The following C3 variants were observed in gnomAD, a reference collection of about 807,000 sequenced individuals.
The protein encoded by C3 is C3 and PZP-like alpha-2-macroglobulin domain-containing protein 1.
In C3, 97 loss-of-function variants were observed where a neutral mutation model predicts 207.9. The ratio of observed to expected loss-of-function variants is 0.47; its 90% confidence interval spans 0.40 to 0.55. The LOEUF is 0.55. Among genes scored for constraint, C3 ranks in the 20% least tolerant of loss-of-function variants. The pLI is 0.00. For synonymous variants in C3, 848 were observed against 857.6 expected (o/e 0.99, Z 0.20); for missense variants, 1,684 against 2,171.7 (o/e 0.78, Z 4.46).
chr19:6,714,428 C>G lies in C3; in HGVS notation c.523G>C (p.Val175Leu), dbSNP rs146130553. The change falls in exon 5 of 41, where the codon GTC becomes CTC. Residue 175 changes from valine (V) to leucine (L), a missense_variant. By Grantham distance (32) the Val-to-Leu change is conservative (BLOSUM62 1). This residue lies in a region of C3 where 1,280 missense variants were observed against 1,739.1 expected (regional missense o/e 0.74). Coordinates refer to ENST00000245907, the MANE Select transcript of C3 (RefSeq NM_000064.4). ...VNIENPEGIP[V>L]KQDSLSSQNQ... is the part of the protein sequence containing the mutation. ...TGAGAAGACAAGGAGTCCTGCTTGA[C>G]CGGGATGCCTTCCGGGTTCTGTGGG... The G allele has an allele frequency of 6.2e-7, 1 of 1,613,656 alleles. No individual in the cohort carries two copies. The highest frequency in any genetic ancestry group is 1.7e-5 in the Admixed American group (1 of 60,018).
intron 11 of C3, among the ~76,000 whole-genome samples, chr19:6,711,670 G>C (rs1376809386): frequency 6.6e-6 from 1 of 152,198 alleles, no homozygotes; most frequent in Non-Finnish European, 1.5e-5. Flanking sequence ...AGCACAGGGA[G>C]GGGTAAGTGG....
At chr19:6,693,732 AG>A (rs1918227766) in intron 24 of C3, among the ~76,000 whole-genome samples, 1 of 58,422 alleles carries the variant, frequency 1.7e-5, no homozygotes, top group Admixed American at 2.5e-4. Flanking sequence ...GGGGGCTTTC[AG>A]GGAGGGGAGG....
At chr19:6,717,218 G>C (rs1249989115) in intron 4 of C3, 1 of 154,084 alleles carries the variant, frequency 6.5e-6, no homozygotes, top group African/African-American at 2.4e-5. Context: ...TGACTCAGGT[G>C]CTCACAGGCG....
chr19:6,697,052 ACAAAC>A (rs1967552527), intron 21 of C3, among the ~76,000 whole-genome samples: 3 of 88,408 alleles, frequency 3.4e-5, no homozygotes, highest in African/African-American at 9.7e-5. Context: ...AAAAAAATAA[ACAAAC>A]AAATAAATAA....
intron 14 of C3, 73 bp downstream of exon 14, chr19:6,709,611 T>TTGCCCCCCCCCCC: frequency 2.7e-6 from 3 of 1,109,448 alleles, no homozygotes; most frequent in Non-Finnish European, 2.7e-6. Flanking sequence ...CCCTCTCCAG[T>TTGCCCCCCCCCCC]CCCACCCACC....
At chr19:6,685,371 T>C (rs1265907702) in intron 29 of C3, among the ~76,000 whole-genome samples, 1 of 152,100 alleles carries the variant, frequency 6.6e-6, no homozygotes, top group African/African-American at 2.4e-5. Flanking sequence ...GCTGAGAACA[T>C]GTCTAGAATC....
Position 6,679,170 on chromosome 19 carries a change from G to C in C3, c.4585C>G (p.Leu1529Val). 1 of 1,614,200 alleles carries C rather than the reference G, an allele frequency of 6.2e-7. No individual in the cohort carries two copies. ...FIQKSDDKVT[L>V]EERLDKACEP... is the part of the protein sequence containing the mutation. ...CAGGCCTTGTCCAGCCGTTCTTCCAGGGTGACCTTGTCATCCGACTTTTGT... is the reference window on the plus strand; with the variant it reads ...CAGGCCTTGTCCAGCCGTTCTTCCACGGTGACCTTGTCATCCGACTTTTGT... Residue 1529 changes from leucine to valine, a missense_variant, in exon 38 of 41, where the codon CTG becomes GTG. Around this residue, in one of 3 missense-constraint regions of C3, gnomAD observed 346 missense variants for 380.1 expected, o/e 0.91. Coordinates refer to ENST00000245907, the MANE Select transcript of C3 (RefSeq NM_000064.4).
intron 27 of C3, among the ~76,000 whole-genome samples, chr19:6,688,524 C>CT (rs567622874): frequency 0.013 from 1,897 of 144,212 alleles, 28 homozygotes; most frequent in East Asian, 0.038. Context: ...TTATAGCACA[C>CT]TTTTTTTTTT....
At position 6,712,319 on chromosome 19, in the gene C3, C is replaced by G; in HGVS notation, c.1207G>C (p.Gly403Arg). 1 of 1,614,146 alleles carries G rather than the reference C, an allele frequency of 6.2e-7. No individual in the cohort carries two copies. Among genetic ancestry groups the G allele is most frequent in the Non-Finnish European group, 8.5e-7 (1 of 1,180,022 alleles). ...GEDTVQSLTQGDGVAKLSINT... is the reference protein window; with the variant it reads ...GEDTVQSLTQRDGVAKLSINT... ...ATGCTGAGTTTGGCCACGCCATCTC[C>G]CTGGGTTAGAGACTGCACAGTGTCC... The change falls in exon 11 of 41, where the codon GGA (glycine) becomes CGA (arginine). Residue 403 changes from glycine to arginine, a missense_variant. Physicochemically the swap from Gly to Arg is moderately radical, Grantham distance 125 (BLOSUM62 -2). This residue lies in a region of C3 where 1,280 missense variants were observed against 1,739.1 expected (regional missense o/e 0.74). Coordinates refer to ENST00000245907, the MANE Select transcript of C3 (RefSeq NM_000064.4).
intron 4 of C3, chr19:6,716,832 G>A (rs1040747637): frequency 7.1e-6 from 1 of 141,092 alleles, no homozygotes; most frequent in Admixed American, 6.9e-5. Flanking sequence ...GACGCTCAGG[G>A]TGGGTATTTG....
At chr19:6,679,667 C>A (rs1917811114) in intron 36 of C3, among the ~76,000 whole-genome samples, 171 bp from the exon 37 acceptor site, 2 of 152,062 alleles carry the variant, frequency 1.3e-5, no homozygotes, top group Non-Finnish European at 2.9e-5. Context: ...CTTTGGGATT[C>A]TCAGACCCTT....
intron 24 of C3, 53 bp downstream of exon 24, chr19:6,694,378 G>A: frequency 1.3e-6 from 2 of 1,513,532 alleles, no homozygotes; most frequent in African/African-American, 1.4e-5. Flanking sequence ...CTTAGGGGAG[G>A]GATGCGCTCG....
At chr19:6,696,278 G>T in intron 23 of C3, 101 bp downstream of exon 23, 1 of 733,622 alleles carries the variant, frequency 1.4e-6, no homozygotes, top group Non-Finnish European at 2.5e-6. Flanking sequence ...TAGCTGAAGG[G>T]GAAGAGAAAG....
At chr19:6,687,797 T>C (rs1325230394) in intron 27 of C3, among the ~76,000 whole-genome samples, 1 of 152,104 alleles carries the variant, frequency 6.6e-6, no homozygotes, top group Admixed American at 6.6e-5. Flanking sequence ...TTAATATAAT[T>C]TATTTAACTG....
intron 19 of C3, among the ~76,000 whole-genome samples, chr19:6,700,006 C>G (rs909905948): frequency 6.8e-6 from 1 of 147,230 alleles, no homozygotes; most frequent in Non-Finnish European, 1.5e-5. Flanking sequence ...AACATGTCAA[C>G]AATAACAAAT....
Position 6,710,784 on chromosome 19 carries a change from A to C in C3, c.1541T>G (p.Leu514Arg). 1 of 1,613,918 alleles carries C rather than the reference A, an allele frequency of 6.2e-7. No homozygotes were observed. Among genetic ancestry groups the C allele is most frequent in the East Asian group, 2.2e-5 (1 of 44,888 alleles). ...GGTGATGGACAGGGGCAGCACCACC[A>C]GGTCCTGGCCGGGCTCTCGCACCTG... ...GRQVREPGQDLVVLPLSITTD... is the reference protein window; with the variant it reads ...GRQVREPGQDRVVLPLSITTD... The change falls in exon 13 of 41, where the codon CTG becomes CGG. Residue 514 changes from leucine (L) to arginine (R), a missense_variant. Physicochemically the swap from Leu to Arg is moderately radical, Grantham distance 102 (BLOSUM62 -2). Coordinates refer to ENST00000245907, the MANE Select transcript of C3 (RefSeq NM_000064.4).
Position 6,711,060 on chromosome 19 carries a change from T to TC in C3, c.1405dup (p.Glu469GlyfsTer120). 1 of 1,614,118 alleles carries TC rather than the reference T, an allele frequency of 6.2e-7. No homozygotes were observed. The highest frequency in any genetic ancestry group is 8.5e-7 in the Non-Finnish European group (1 of 1,180,010). On this transcript the variant is annotated frameshift_variant, in exon 12 of 41. Transcript: ENST00000245907. LOFTEE classifies it high-confidence loss of function. ...CAGGAGGAAGTTGACGTTGAGGGTC[T>TC]CCCCGGGTCTGAGCTCTGTACGTAG... is the stretch of plus-strand genomic sequence containing the variant.
In C3 at chr19:6,693,381, T is replaced by C. The variant is rs775013194; in HGVS notation, c.3230+31A>G. On this transcript the variant is annotated intron_variant, in intron 25 of 40. Transcript: ENST00000245907. ...TGCTGGGGGTTGAGGGTGGGGAGTA[T>C]GCATGGCCTGAGCTGGCTGTTGGGA... The C allele has an allele frequency of 2.5e-6, 4 of 1,590,304 alleles. No homozygotes were observed. The South Asian group carries it at 4.5e-5, about 18-fold the overall frequency.
At chr19:6,712,750 C>A in intron 9 of C3, 127 bp from the exon 10 acceptor site, 1 of 799,868 alleles carries the variant, frequency 1.3e-6, no homozygotes, top group Non-Finnish European at 2.2e-6. Flanking sequence ...TCATACTGGG[C>A]CTGTGCCCCC....
Sources: gnomAD v4.1 joint callset for allele counts (sites outside exome capture counted in the v4.1 genomes callset) on GRCh38, gnomAD v4.1.1 for gene constraint, gnomAD v4.1.1 regional missense constraint, MANE v1.5 for transcripts, NCBI Gene and HGNC (gene_info 2026-07-23, HGNC 2026-07-21) for gene names.